ZMAT4: variants seen among roughly 807,000 people sequenced by gnomAD.
The protein encoded by ZMAT4 is zinc finger matrin-type 4, also known as zinc finger matrin-type protein 4.
Under a neutral mutation model 28.7 loss-of-function variants are expected in ZMAT4, and 17 were observed. The observed-to-expected ratio is 0.59, with a 90% CI of 0.41 to 0.89. The LOEUF (loss-of-function observed/expected upper bound fraction) is 0.89. Among genes scored for constraint, ZMAT4 ranks in the 40% least tolerant of loss-of-function variants. The pLI is 0.00. For synonymous variants in ZMAT4, 117 were observed against 109.2 expected (o/e 1.07, Z -0.44); for missense variants, 240 against 283.8 (o/e 0.85, Z 1.11).
rs116086049 is a variant in ZMAT4 at position 40,772,811 on chromosome 8, A to T, written c.103-5081T>A. Among the ~76,000 whole-genome samples the T allele has an allele frequency of 8.2e-3, 1,246 of 152,376 alleles. 22 individuals carry two copies. The highest frequency in any genetic ancestry group is 0.029 in the African/African-American group (1,190 of 41,592). ...TAAAACAGGAAAACCTGGAACAAAG[A>T]GTGATTCTCACATGCCACCACATTT... On this transcript the variant is annotated intron_variant, in intron 2 of 6. Coordinates refer to ENST00000297737, the MANE Select transcript of ZMAT4 (RefSeq NM_024645.3).
At chr8:40,808,194 A>G (rs951603896) in intron 2 of ZMAT4, among the ~76,000 whole-genome samples, 1 of 152,198 alleles carries the variant, frequency 6.6e-6, no homozygotes, top group African/African-American at 2.4e-5. Flanking sequence ...CAGAGGTTAA[A>G]CAGGTCACTA....
rs143576789 is a variant in ZMAT4 at position 40,715,686 on chromosome 8, G to C, written c.193-18285C>G. On this transcript the variant is annotated intron_variant, in intron 3 of 6. Transcript: ENST00000297737. ...GGGAGAGAGAGTGTGTGCTTTACGA[G>C]ATAAGATCTCCTTTCGCTCTTTGGA... Among the ~76,000 whole-genome samples the C allele has an allele frequency of 2.6e-5, 4 of 152,244 alleles. No homozygotes were observed. In the East Asian group the frequency reaches 7.7e-4, roughly 29 times the overall value.
intron 3 of ZMAT4, among the ~76,000 whole-genome samples, chr8:40,754,210 A>C (rs1241984160): frequency 6.6e-6 from 1 of 152,180 alleles, no homozygotes; most frequent in African/African-American, 2.4e-5. Context: ...ATGGCATGCA[A>C]ACAAACAAGA....
intron 6 of ZMAT4, among the ~76,000 whole-genome samples, chr8:40,538,085 G>A (rs1802904782): frequency 6.6e-6 from 1 of 152,156 alleles, no homozygotes; most frequent in Admixed American, 6.5e-5. Flanking sequence ...ATGGGAAATA[G>A]GAGTCGGACT....
intron 5 of ZMAT4, among the ~76,000 whole-genome samples, chr8:40,645,343 C>A (rs1346184734): frequency 2.0e-5 from 3 of 152,012 alleles, no homozygotes; most frequent in Non-Finnish European, 2.9e-5. Flanking sequence ...CTTTACTAAG[C>A]AAGCAGTATT....
At chr8:40,800,707 G>A (rs1814797752) in intron 2 of ZMAT4, among the ~76,000 whole-genome samples, 1 of 151,946 alleles carries the variant, frequency 6.6e-6, no homozygotes, top group Non-Finnish European at 1.5e-5. Context: ...AACCAAATGA[G>A]AATAAAAACA....
intron 3 of ZMAT4, among the ~76,000 whole-genome samples, chr8:40,708,666 G>C (rs1284151221): frequency 3.7e-5 from 4 of 108,908 alleles, no homozygotes; most frequent in African/African-American, 1.0e-4. Flanking sequence ...TTTTTTTTGA[G>C]AGTGAGTCTT....
At chr8:40,552,680 A>G (rs1803400786) in intron 6 of ZMAT4, among the ~76,000 whole-genome samples, 1 of 152,182 alleles carries the variant, frequency 6.6e-6, no homozygotes, top group Admixed American at 6.5e-5. Flanking sequence ...GTGGAGAAGG[A>G]TGAGTCTCCT....
intron 1 of ZMAT4, among the ~76,000 whole-genome samples, chr8:40,845,776 T>TAAAA (rs71224858): frequency 9.6e-4 from 124 of 129,598 alleles, no homozygotes; most frequent in African/African-American, 3.5e-3. Flanking sequence ...ACTTAGTAGT[T>TAAAA]AAAAAAAAAA....
intron 5 of ZMAT4, among the ~76,000 whole-genome samples, chr8:40,641,989 C>T (rs10104805): frequency 0.011 from 1,621 of 151,878 alleles, 25 homozygotes; most frequent in African/African-American, 0.037. Context: ...TCTAAAATGG[C>T]CTTATACTCT....
chr8:40,824,752 A>AAAAG (rs576934119), intron 2 of ZMAT4, among the ~76,000 whole-genome samples: 1 of 149,510 alleles, frequency 6.7e-6, no homozygotes, highest in South Asian at 2.1e-4. Flanking sequence ...AGAAAAGAAA[A>AAAAG]AAAGAAAGAA....
intron 6 of ZMAT4, among the ~76,000 whole-genome samples, chr8:40,549,660 A>G (rs578050881): frequency 6.6e-6 from 1 of 152,144 alleles, no homozygotes; most frequent in Admixed American, 6.5e-5. Context: ...TGTCACTGCT[A>G]TAGTTCAAAA....
intron 1 of ZMAT4, among the ~76,000 whole-genome samples, chr8:40,826,230 T>C (rs1056692803): frequency 6.6e-6 from 1 of 152,238 alleles, no homozygotes; most frequent in Non-Finnish European, 1.5e-5. Flanking sequence ...TGATATATCA[T>C]CACACTAGAA....
intron 1 of ZMAT4, among the ~76,000 whole-genome samples, chr8:40,892,369 C>G (rs1211799019): frequency 6.6e-6 from 1 of 151,760 alleles, no homozygotes; most frequent in Non-Finnish European, 1.5e-5. Context: ...GGCCTCACAG[C>G]CACACTCAGG....
In ZMAT4 at chr8:40,756,457, T is replaced by TATATATATATATATATATATAC. The variant is rs1278110013; in HGVS notation, c.192+11183_192+11184insGTATATATATATATATATATAT. The stretch of plus-strand genomic sequence containing the variant: ...ATATATATATATATATATATATATA[T>TATATATATATATATATATATAC]ACACACTTGTATACCTGAAAAAGAG... On this transcript the variant is annotated intron_variant, in intron 3 of 6. Transcript: ENST00000297737. 7.9e-5 allele frequency among the ~76,000 whole-genome samples: 9 copies of TATATATATATATATATATATAC among 113,290 alleles called. 1 individual carries two copies. The highest frequency in any genetic ancestry group is 2.6e-4 in the African/African-American group (8 of 30,474). 74.3% of individuals were successfully genotyped at this position (113,290 alleles called of 152,430 possible).
At chr8:40,720,466 C>T (rs1401403066) in intron 3 of ZMAT4, among the ~76,000 whole-genome samples, 2 of 151,516 alleles carry the variant, frequency 1.3e-5, no homozygotes, top group African/African-American at 4.9e-5. Context: ...GGAAGTGTGG[C>T]ATCAATGCCC....
intron 6 of ZMAT4, among the ~76,000 whole-genome samples, chr8:40,547,269 C>T (rs924459035): frequency 8.5e-5 from 13 of 152,238 alleles, no homozygotes; most frequent in African/African-American, 2.2e-4. Flanking sequence ...CTGCAAATCC[C>T]GCTGTTTTGT....
intron 6 of ZMAT4, among the ~76,000 whole-genome samples, chr8:40,534,813 G>A (rs1338086205): frequency 6.6e-6 from 1 of 151,164 alleles, no homozygotes; most frequent in Non-Finnish European, 1.5e-5. Context: ...CTCCCAAGTA[G>A]CTGGGATTAC....
At chr8:40,673,321 A>G (rs1383472165) in intron 5 of ZMAT4, among the ~76,000 whole-genome samples, 1 of 152,078 alleles carries the variant, frequency 6.6e-6, no homozygotes, top group African/African-American at 2.4e-5. Flanking sequence ...ATGACCTTTT[A>G]TATTACTTAT....
Sources: allele counts gnomAD v4.1 joint callset (sites outside exome capture counted in the v4.1 genomes callset), GRCh38; gene constraint gnomAD v4.1.1; transcripts MANE v1.5; gene names NCBI Gene and HGNC (gene_info 2026-07-23, HGNC 2026-07-21).